ARSF: variants seen among roughly 807,000 people sequenced by gnomAD.
ARSF encodes the protein arylsulfatase F.
In ARSF, 33 loss-of-function variants were observed where a neutral mutation model predicts 35.4. The ratio of observed to expected loss-of-function variants is 0.93; its 90% CI spans 0.71 to 1.25. The LOEUF (loss-of-function observed/expected upper bound fraction) is 1.25, where lower values mean the gene tolerates loss of function less well. Among genes scored for constraint, ARSF ranks in the 50% most tolerant of loss-of-function variants. ARSF has a pLI of 0.00. For synonymous variants in ARSF, 222 were observed against 193.1 expected (o/e 1.15, Z -1.24); for missense variants, 501 against 480.2 (o/e 1.04, Z -0.40).
chrX:3,053,241 T>A (rs1284235136), intron 1 of ARSF, among the ~76,000 whole-genome samples: 1 of 111,601 alleles, frequency 9.0e-6, no homozygotes, highest in Non-Finnish European at 1.9e-5. Context: ...TCCGATAATT[T>A]GAACTTCCTT....
intron 4 of ARSF, among the ~76,000 whole-genome samples, chrX:3,080,034 G>A (rs1184604850): frequency 1.9e-5 from 2 of 105,992 alleles, no homozygotes; most frequent in Non-Finnish European, 3.9e-5. Flanking sequence ...AATGGTGAGG[G>A]AAGTAGTCTT....
chrX:3,051,471 G>A (rs757496275), intron 1 of ARSF, among the ~76,000 whole-genome samples: 7 of 111,868 alleles, frequency 6.3e-5, no homozygotes, highest in Non-Finnish European at 1.1e-4. Flanking sequence ...GGAAATAATG[G>A]TGTCCAAAAG....
chrX:3,089,559 C>T lies in ARSF; in HGVS notation c.894C>T (p.Thr298=), dbSNP rs1419986663. The change falls in exon 7 of 11, where the codon ACC becomes ACT. Residue 298 remains threonine (T), a synonymous_variant. Coordinates refer to ENST00000381127, the MANE Select transcript of ARSF (RefSeq NM_001201539.2). ...TTCACGTGCACACACCTCTCCCCAC[C>T]ACGGACGATTTCACTGGCACCAGCA... The part of the protein sequence containing the change: ...SFLHVHTPLP[T]TDDFTGTSKH... The T allele has an allele frequency of 8.3e-7, 1 of 1,211,495 alleles. No homozygotes were observed. Among genetic ancestry groups the T allele is most frequent in the Non-Finnish European group, 1.1e-6 (1 of 895,271 alleles).
intron 5 of ARSF, among the ~76,000 whole-genome samples, chrX:3,081,992 A>G (rs1445433038): frequency 8.9e-6 from 1 of 111,826 alleles, no homozygotes; most frequent in Non-Finnish European, 1.9e-5. Context: ...CTAAGCCAGT[A>G]GCACTGCCTC....
chrX:3,102,449 G>A (rs1255048438), intron 8 of ARSF, among the ~76,000 whole-genome samples: 2 of 112,337 alleles, frequency 1.8e-5, no homozygotes, highest in Non-Finnish European at 3.8e-5. Flanking sequence ...TACTGCAAAA[G>A]ATATTATTTC....
intron 7 of ARSF, 144 bp downstream of exon 7, chrX:3,089,776 G>A: frequency 1.7e-6 from 1 of 601,701 alleles, no homozygotes; most frequent in Non-Finnish European, 2.5e-6. Context: ...GGTAATAGTT[G>A]CTAGCAATTG....
intron 1 of ARSF, among the ~76,000 whole-genome samples, chrX:3,049,412 T>C (rs752011837): frequency 3.0e-4 from 33 of 111,494 alleles, no homozygotes; most frequent in Non-Finnish European, 5.3e-4. Flanking sequence ...GCGTAAACAA[T>C]AGGGCAGGGG....
At chrX:3,063,717 A>G (rs1265386661) in intron 1 of ARSF, among the ~76,000 whole-genome samples, 1 of 111,739 alleles carries the variant, frequency 8.9e-6, no homozygotes, top group South Asian at 3.8e-4. Context: ...TGCTACAAAG[A>G]GAATAAAATA....
chrX:3,049,207 T>C (rs1359047189), intron 1 of ARSF, among the ~76,000 whole-genome samples: 1 of 112,357 alleles, frequency 8.9e-6, no homozygotes, highest in African/African-American at 3.2e-5. Context: ...ATGTAAGACG[T>C]ACATTGTTTC....
rs1267943895 is a variant in ARSF, at chrX:3,103,823, T to C, written c.1164T>C (p.Pro388=). ...GIRVPGIVRW[P]GKVPAGRLIK... is the part of the protein sequence containing the mutation. ...GCGTCCCAGGAATTGTCCGATGGCC[T>C]GGAAAGGTACCAGCTGGACGGTTGA... Residue 388 remains proline (P), a synonymous_variant, in exon 9 of 11, where the codon CCT becomes CCC. Transcript: ENST00000381127. 1.7e-6 allele frequency: 2 copies of C among 1,210,092 alleles called. No homozygotes were observed. The highest frequency in any genetic ancestry group is 1.1e-6 in the Non-Finnish European group (1 of 895,184).
At chrX:3,049,616 T>TTTTG (rs768579822) in intron 1 of ARSF, among the ~76,000 whole-genome samples, 31 of 111,802 alleles carry the variant, frequency 2.8e-4, no homozygotes, top group African/African-American at 5.8e-4. Context: ...TTTTGTTTTG[T>TTTTG]TTTGTTTGTT....
intron 1 of ARSF, among the ~76,000 whole-genome samples, chrX:3,042,420 AAATTG>A (rs201486570): frequency 0.017 from 1,893 of 112,428 alleles, 19 homozygotes; most frequent in Middle Eastern, 0.051. Flanking sequence ...CAATTTAAAT[AAATTG>A]TATTATAGAA....
intron 1 of ARSF, among the ~76,000 whole-genome samples, chrX:3,049,264 G>T (rs1287053304): frequency 9.2e-6 from 1 of 109,227 alleles, no homozygotes; most frequent in Non-Finnish European, 1.9e-5. Flanking sequence ...TCCAGCTCAT[G>T]GATGGACAAG....
At chrX:3,092,781 G>GT (rs1367508638) in intron 7 of ARSF, among the ~76,000 whole-genome samples, 10 of 112,186 alleles carry the variant, frequency 8.9e-5, no homozygotes, top group African/African-American at 3.2e-4. Flanking sequence ...CCCAGAAGCT[G>GT]TAACAATACC....
At chrX:3,112,065 C>A (rs1237435616) in intron 10 of ARSF, 109 bp from the exon 11 acceptor site, 5 of 592,094 alleles carry the variant, frequency 8.4e-6, no homozygotes, top group African/African-American at 4.6e-5. Context: ...CGAACAGGTA[C>A]CAGTTTGTGG....
intron 5 of ARSF, among the ~76,000 whole-genome samples, chrX:3,081,576 G>A (rs1266108075): frequency 9.0e-6 from 1 of 111,413 alleles, no homozygotes; most frequent in Non-Finnish European, 1.9e-5. Flanking sequence ...GCCTCCAGTG[G>A]TCTGCCTGCC....
chrX:3,068,155 T>C, intron 2 of ARSF, 44 bp downstream of exon 2: 1 of 1,134,460 alleles, frequency 8.8e-7, no homozygotes, highest in Non-Finnish European at 1.2e-6. Flanking sequence ...TTGAATCTAA[T>C]GTATAATTCT....
intron 1 of ARSF, among the ~76,000 whole-genome samples, chrX:3,049,970 C>T (rs1172036140): frequency 2.7e-5 from 3 of 110,781 alleles, no homozygotes; most frequent in African/African-American, 6.6e-5. Flanking sequence ...AGTGATTCTC[C>T]TGCCTCAACC....
chrX:3,109,597 T>G (rs1228882068), intron 9 of ARSF, among the ~76,000 whole-genome samples: 1 of 110,652 alleles, frequency 9.0e-6, no homozygotes, highest in Non-Finnish European at 1.9e-5. Flanking sequence ...CCCTCCCTCC[T>G]GCTTTTCGGA....
Sources: allele counts gnomAD v4.1 joint callset (sites outside exome capture counted in the v4.1 genomes callset), GRCh38; gene constraint gnomAD v4.1.1; transcripts MANE v1.5; gene names NCBI Gene and HGNC (gene_info 2026-07-23, HGNC 2026-07-21).